FSTL5: variants seen among roughly 807,000 people sequenced by gnomAD.
The protein encoded by FSTL5 is follistatin like 5, also known as follistatin-related protein 5.
Under a neutral mutation model 89.1 loss-of-function variants are expected in FSTL5, and 62 were observed. The ratio of observed to expected loss-of-function variants is 0.70; its 90% CI spans 0.57 to 0.86. The LOEUF (loss-of-function observed/expected upper bound fraction) is 0.86. FSTL5 is among the 40% of genes least tolerant of loss of function. The pLI, the probability that FSTL5 is intolerant of heterozygous loss-of-function variation, is 0.00. For missense variants in FSTL5, 1,057 were observed against 1,001.6 expected, an observed-to-expected ratio of 1.06 and a Z score of -0.75; for synonymous variants, 383 against 346.2, an observed-to-expected ratio of 1.11 and a Z score of -1.18.
chr4:161,521,463 G>A (rs1731017817), intron 10 of FSTL5, among the ~76,000 whole-genome samples: 2 of 151,998 alleles, frequency 1.3e-5, no homozygotes, highest in African/African-American at 2.4e-5. Flanking sequence ...TTAAGTGCCT[G>A]TAAATCAGTT....
At chr4:161,631,415 G>A (rs1472762518) in intron 7 of FSTL5, among the ~76,000 whole-genome samples, 2 of 152,086 alleles carry the variant, frequency 1.3e-5, no homozygotes, top group African/African-American at 2.4e-5. Flanking sequence ...TCACAAGTTC[G>A]AGAGCAGCCT....
intron 15 of FSTL5, among the ~76,000 whole-genome samples, chr4:161,429,205 C>T (rs989915659): frequency 6.6e-6 from 1 of 152,054 alleles, no homozygotes; most frequent in African/African-American, 2.4e-5. Context: ...TAGAATAGGG[C>T]ACCAAGCAGA....
chr4:162,155,249 C>T (rs187736151), intron 1 of FSTL5, among the ~76,000 whole-genome samples: 2 of 152,252 alleles, frequency 1.3e-5, no homozygotes, highest in African/African-American at 4.8e-5. Context: ...GATAAGTGAG[C>T]CTTTAAAAGC....
chr4:161,977,679 T>A (rs57110101), intron 3 of FSTL5, among the ~76,000 whole-genome samples: 35,846 of 143,918 alleles, frequency 0.25, 5,445 homozygotes, highest in African/African-American at 0.42. Flanking sequence ...ATTATTTTTT[T>A]AAAAATTTGG....
chr4:161,848,056 A>C (rs1427671149), intron 4 of FSTL5, among the ~76,000 whole-genome samples: 3 of 151,052 alleles, frequency 2.0e-5, no homozygotes, highest in African/African-American at 7.3e-5. Context: ...AAAAAAAAAA[A>C]AAAAAACAAG....
chr4:161,784,374 T>C (rs998076886), intron 4 of FSTL5, among the ~76,000 whole-genome samples: 2 of 152,090 alleles, frequency 1.3e-5, no homozygotes, highest in Non-Finnish European at 2.9e-5. Flanking sequence ...ATGAAATATA[T>C]ATTTTTATTT....
intron 6 of FSTL5, among the ~76,000 whole-genome samples, chr4:161,697,474 A>G (rs1579029692): frequency 6.6e-6 from 1 of 152,318 alleles, no homozygotes; most frequent in Non-Finnish European, 1.5e-5. Context: ...ACACAATTGT[A>G]TATATTATTG....
At chr4:162,116,632 G>T (rs147041595) in intron 1 of FSTL5, among the ~76,000 whole-genome samples, 2 of 152,272 alleles carry the variant, frequency 1.3e-5, no homozygotes, top group African/African-American at 4.8e-5. Flanking sequence ...TTTCCCAGGC[G>T]GTGCTAGATA....
rs551488366 is a variant in FSTL5 at position 161,968,474 on chromosome 4, G to T, written c.161-47822C>A. On this transcript the variant is annotated intron_variant, in intron 3 of 15. Coordinates refer to ENST00000306100, the MANE Select transcript of FSTL5 (RefSeq NM_020116.5). ...AACTGCATTACTTTTATATGCAGTA[G>T]AGCACATTCTTATATGGAGAAATAT... is the stretch of plus-strand genomic sequence containing the variant. Among the ~76,000 whole-genome samples, 58 of 152,148 alleles carry T rather than the reference G, an allele frequency of 3.8e-4. 2 individuals are homozygous for T. In the South Asian group the frequency reaches 0.012, roughly 31 times the overall value.
At chr4:161,411,335 T>C (rs1397610938) in intron 15 of FSTL5, among the ~76,000 whole-genome samples, 2 of 150,956 alleles carry the variant, frequency 1.3e-5, no homozygotes, top group Non-Finnish European at 1.5e-5. Flanking sequence ...ACTTATTCTA[T>C]GAAGCCAGTA....
chr4:161,437,559 C>A (rs1166278874), intron 15 of FSTL5, among the ~76,000 whole-genome samples: 1 of 18,214 alleles, frequency 5.5e-5, no homozygotes, highest in Non-Finnish European at 9.9e-5. Context: ...GAGTGAGACT[C>A]CGTCTCAAAA....
At chr4:161,452,846 A>T (rs1733219727) in intron 15 of FSTL5, among the ~76,000 whole-genome samples, 1 of 152,226 alleles carries the variant, frequency 6.6e-6, no homozygotes. Flanking sequence ...AAGGAATAAA[A>T]TGATGCTTAA....
chr4:162,072,415 C>A (rs1420764203), intron 2 of FSTL5, among the ~76,000 whole-genome samples: 1 of 151,632 alleles, frequency 6.6e-6, no homozygotes, highest in Non-Finnish European at 1.5e-5. Flanking sequence ...AGGAAGATAA[C>A]AAGGTTCTGA....
chr4:162,148,813 C>G (rs1167675393), intron 1 of FSTL5, among the ~76,000 whole-genome samples: 1 of 152,114 alleles, frequency 6.6e-6, no homozygotes, highest in Non-Finnish European at 1.5e-5. Flanking sequence ...AAGTGATCAA[C>G]CATTTTTCAA....
intron 8 of FSTL5, among the ~76,000 whole-genome samples, chr4:161,574,938 T>C (rs1733159535): frequency 6.6e-6 from 1 of 152,214 alleles, no homozygotes; most frequent in African/African-American, 2.4e-5. Flanking sequence ...TCCACAATGG[T>C]CGAACAACTA....
intron 15 of FSTL5, among the ~76,000 whole-genome samples, chr4:161,425,818 A>C (rs753421759): frequency 1.3e-5 from 2 of 152,184 alleles, no homozygotes; most frequent in African/African-American, 2.4e-5. Context: ...CACTTATTGA[A>C]GAGCTTGGAT....
At chr4:161,707,891 C>CA (rs1490471468) in intron 6 of FSTL5, among the ~76,000 whole-genome samples, 4 of 151,542 alleles carry the variant, frequency 2.6e-5, no homozygotes, top group African/African-American at 4.9e-5. Flanking sequence ...ACAAACCAAC[C>CA]AAAAAAGGAG....
intron 4 of FSTL5, among the ~76,000 whole-genome samples, chr4:161,886,670 A>G (rs1032224140): frequency 1.3e-5 from 2 of 152,160 alleles, no homozygotes; most frequent in East Asian, 3.9e-4. Flanking sequence ...CATTACCTTT[A>G]TCTGTATTAG....
chr4:162,034,677 T>C (rs775054945), intron 2 of FSTL5, among the ~76,000 whole-genome samples: 1 of 152,152 alleles, frequency 6.6e-6, no homozygotes, highest in South Asian at 2.1e-4. Flanking sequence ...TCGAAATATG[T>C]TCCTAAGAAA....
Sources: gnomAD v4.1 joint callset for allele counts (sites outside exome capture counted in the v4.1 genomes callset) on GRCh38, gnomAD v4.1.1 for gene constraint, MANE v1.5 for transcripts, NCBI Gene and HGNC (gene_info 2026-07-23, HGNC 2026-07-21) for gene names.